Variants in ADGRD1 observed in about 807,000 individuals in gnomAD.
The protein encoded by ADGRD1 is adhesion G protein-coupled receptor D1, also known as G-protein coupled receptor 133.
A neutral mutation model predicts 113.4 loss-of-function variants in ADGRD1; 77 were observed. The ratio of observed to expected loss-of-function variants is 0.68; its 90% CI spans 0.57 to 0.82. The LOEUF (loss-of-function observed/expected upper bound fraction) is 0.82. ADGRD1 is among the 40% of genes least tolerant of loss of function. ADGRD1 has a pLI of 0.00. For synonymous variants in ADGRD1, 474 were observed against 475.0 expected, an observed-to-expected ratio of 1.00 and a Z score of 0.03; for missense variants, 1,036 against 1,139.1, an observed-to-expected ratio of 0.91 and a Z score of 1.30.
At chr12:130,975,293 G>A (rs569875734) in intron 4 of ADGRD1, among the ~76,000 whole-genome samples, 72 of 152,182 alleles carry the variant, frequency 4.7e-4, no homozygotes, top group African/African-American at 1.7e-3. Context: ...AACTTGCACG[G>A]CCGACGATGG....
chr12:130,996,588 C>T (rs1875410364), intron 8 of ADGRD1, among the ~76,000 whole-genome samples: 1 of 131,932 alleles, frequency 7.6e-6, no homozygotes, highest in South Asian at 2.5e-4. Flanking sequence ...GGGCTCCTCA[C>T]TTCCCAGTAG....
At chr12:131,039,835 G>T (rs1287665265) in intron 13 of ADGRD1, among the ~76,000 whole-genome samples, 1 of 152,238 alleles carries the variant, frequency 6.6e-6, no homozygotes, top group African/African-American at 2.4e-5. Context: ...TTTCAAAGCT[G>T]GGAGATGCCA....
intron 8 of ADGRD1, among the ~76,000 whole-genome samples, chr12:130,998,002 G>A (rs1270881944): frequency 6.6e-6 from 1 of 152,168 alleles, no homozygotes; most frequent in Non-Finnish European, 1.5e-5. Flanking sequence ...AGGAGCTGGA[G>A]ACCAGCCTGG....
Position 130,954,661 on chromosome 12 carries a change from G to T in ADGRD1, c.103+1G>T, listed in dbSNP as rs1170465783. On this transcript the variant is annotated splice_donor_variant, in intron 2 of 24. Coordinates refer to ENST00000261654, the MANE Select transcript of ADGRD1 (RefSeq NM_198827.5). LOFTEE classifies it high-confidence loss of function. The surrounding 1 kb of genome is among the most constrained non-coding windows in gnomAD (Gnocchi z 4.7). ...TACTCCAGATCGCAGGACCATCCAG[G>T]TAAGAGTGTTTCCTTCTCACTCTGA... 1 of 1,612,782 alleles carries T rather than the reference G, an allele frequency of 6.2e-7. No homozygotes were observed. Among genetic ancestry groups the T allele is most frequent in the Admixed American group, 1.7e-5 (1 of 60,022 alleles).
At chr12:131,045,083 G>A (rs1237295093) in intron 13 of ADGRD1, among the ~76,000 whole-genome samples, 3 of 152,224 alleles carry the variant, frequency 2.0e-5, no homozygotes, top group Non-Finnish European at 4.4e-5. Context: ...GAGCGGATCC[G>A]AATGCGAATG....
intron 20 of ADGRD1, among the ~76,000 whole-genome samples, chr12:131,130,678 C>T (rs1427090438): frequency 3.3e-5 from 5 of 152,008 alleles, no homozygotes; most frequent in East Asian, 1.9e-4. Context: ...GGCACCTAGG[C>T]GAGGGGTGCA....
intron 12 of ADGRD1, 43 bp downstream of exon 12, chr12:131,006,090 G>T (rs1448662986): frequency 1.3e-6 from 2 of 1,533,724 alleles, no homozygotes; most frequent in South Asian, 2.2e-5. Context: ...GGGTGTGCGT[G>T]GGTTTGCTGG....
At chr12:131,100,521 G>C (rs553714897) in intron 15 of ADGRD1, among the ~76,000 whole-genome samples, 1 of 152,002 alleles carries the variant, frequency 6.6e-6, no homozygotes, top group Non-Finnish European at 1.5e-5. Context: ...TTGTTTGAAC[G>C]TAAGGTTGGT....
chr12:130,976,431 G>A (rs941712324), intron 4 of ADGRD1, among the ~76,000 whole-genome samples: 1 of 152,192 alleles, frequency 6.6e-6, no homozygotes, highest in Non-Finnish European at 1.5e-5. Context: ...AGCAACTGCA[G>A]GTTCCCAGGC....
At chr12:131,012,683 G>A (rs190233803) in intron 12 of ADGRD1, among the ~76,000 whole-genome samples, 16 of 152,256 alleles carry the variant, frequency 1.1e-4, no homozygotes, top group African/African-American at 3.9e-4. Flanking sequence ...CACTGAACAC[G>A]GTGTTTGAAT....
chr12:131,021,482 G>A (rs1274459196), intron 13 of ADGRD1, among the ~76,000 whole-genome samples: 1 of 152,182 alleles, frequency 6.6e-6, no homozygotes, highest in Non-Finnish European at 1.5e-5. Flanking sequence ...AGAACGCCAG[G>A]GAAGTGAAAT....
chr12:130,978,612 A>C (rs1872597170), intron 4 of ADGRD1: 1 of 152,136 alleles, frequency 6.6e-6, no homozygotes, highest in Non-Finnish European at 1.5e-5. Context: ...CTCAGGTAGA[A>C]GTCATTGTTT....
intron 21 of ADGRD1, among the ~76,000 whole-genome samples, chr12:131,133,205 C>T (rs7958272): frequency 0.092 from 14,037 of 152,106 alleles, 622 homozygotes; most frequent in Middle Eastern, 0.14. Context: ...CTCACCTCAG[C>T]GTTCAGGGTC....
intron 14 of ADGRD1, among the ~76,000 whole-genome samples, chr12:131,080,197 A>G (rs1885956903): frequency 6.6e-6 from 1 of 152,096 alleles, no homozygotes; most frequent in Admixed American, 6.5e-5. Flanking sequence ...ATATTTTCTA[A>G]TTTTCCTTGT....
intron 13 of ADGRD1, among the ~76,000 whole-genome samples, chr12:131,042,756 G>T (rs12370258): frequency 0.32 from 49,231 of 152,160 alleles, 9,134 homozygotes; most frequent in South Asian, 0.46. Flanking sequence ...CAACACAAAG[G>T]CTGTTCCTCC....
At chr12:131,030,146 TGGG>T (rs1880521652) in intron 13 of ADGRD1, among the ~76,000 whole-genome samples, 1 of 150,092 alleles carries the variant, frequency 6.7e-6, no homozygotes, top group Non-Finnish European at 1.5e-5. Context: ...TCCCAGGCTC[TGGG>T]GTTAGGTTGT....
intron 12 of ADGRD1, among the ~76,000 whole-genome samples, chr12:131,011,233 C>T (rs1364593407): frequency 1.3e-5 from 2 of 149,430 alleles, no homozygotes; most frequent in Non-Finnish European, 3.0e-5. Flanking sequence ...GAGGAAAATG[C>T]TCCTAAGGAG....
intron 18 of ADGRD1, among the ~76,000 whole-genome samples, chr12:131,115,436 G>A (rs1351615343): frequency 6.6e-6 from 1 of 152,184 alleles, no homozygotes; most frequent in African/African-American, 2.4e-5. Flanking sequence ...CTGGAAATAG[G>A]TGGCACCAGT....
chr12:131,024,723 C>T (rs1186583737), intron 13 of ADGRD1: 2 of 152,238 alleles, frequency 1.3e-5, no homozygotes, highest in African/African-American at 4.8e-5. Flanking sequence ...GATGAAATCG[C>T]CTAATGATGC....
Sources: allele counts gnomAD v4.1 joint callset (sites outside exome capture counted in the v4.1 genomes callset), GRCh38; gene constraint gnomAD v4.1.1; non-coding constraint Gnocchi (gnomAD v3.1); transcripts MANE v1.5; gene names NCBI Gene and HGNC (gene_info 2026-07-23, HGNC 2026-07-21).